The following STPG2 variants were observed in gnomAD, a reference collection of about 807,000 sequenced individuals.
STPG2 encodes the protein sperm-tail PG-rich repeat-containing protein 2.
STPG2 carries 56 observed loss-of-function variants against 54.2 expected under a neutral mutation model. The ratio of observed to expected loss-of-function variants is 1.03; its 90% confidence interval spans 0.83 to 1.29. STPG2 has a LOEUF of 1.29. Ranked by LOEUF, STPG2 falls within the 50% of genes most tolerant of loss-of-function variation. The probability of loss-of-function intolerance (pLI) is 0.00; values close to 1 mark genes in which losing one functional copy is unlikely to be tolerated. For synonymous variants in STPG2, 200 were observed against 181.8 expected, an observed-to-expected ratio of 1.10 and a Z score of -0.81; for missense variants, 596 against 544.9, an observed-to-expected ratio of 1.09 and a Z score of -0.93.
At chr4:98,086,301 A>G (rs955251621) in intron 5 of STPG2, among the ~76,000 whole-genome samples, 1 of 152,162 alleles carries the variant, frequency 6.6e-6, no homozygotes, top group Non-Finnish European at 1.5e-5. Context: ...ACAGCTAGGT[A>G]AAATTAGAGC....
chr4:97,904,854 T>C (rs575590903), intron 8 of STPG2, among the ~76,000 whole-genome samples: 1 of 152,064 alleles, frequency 6.6e-6, no homozygotes, highest in African/African-American at 2.4e-5. Flanking sequence ...AGAAAGGGTA[T>C]CAGCGATGGA....
chr4:97,863,204 A>G (rs1487941643), intron 8 of STPG2, among the ~76,000 whole-genome samples: 1 of 152,174 alleles, frequency 6.6e-6, no homozygotes, highest in Non-Finnish European at 1.5e-5. Flanking sequence ...CGCTAGCAAG[A>G]CTAATAAAGA....
chr4:97,739,113 A>G (rs1353475514), intron 9 of STPG2, among the ~76,000 whole-genome samples: 1 of 152,182 alleles, frequency 6.6e-6, no homozygotes, highest in Admixed American at 6.5e-5. Context: ...CTGAATGACT[A>G]CTGGGTACAT....
chr4:97,482,044 A>G (rs994859057), intron 4 of STPG2, among the ~76,000 whole-genome samples: 1 of 151,556 alleles, frequency 6.6e-6, no homozygotes, highest in African/African-American at 2.4e-5. Flanking sequence ...AATTTTTATC[A>G]TAAGTGTATT....
chr4:97,979,514 AG>A (rs1367057831), intron 6 of STPG2, among the ~76,000 whole-genome samples: 1 of 152,118 alleles, frequency 6.6e-6, no homozygotes, highest in African/African-American at 2.4e-5. Context: ...TTTGGTTCAC[AG>A]CTCTGCTTAT....
intron 4 of STPG2, among the ~76,000 whole-genome samples, chr4:97,459,666 C>T (rs191439802): frequency 2.6e-4 from 39 of 152,206 alleles, no homozygotes; most frequent in African/African-American, 8.9e-4. Context: ...TGGTCTCGAT[C>T]TCCTGACCTC....
At chr4:97,928,018 A>T (rs945340090) in intron 8 of STPG2, among the ~76,000 whole-genome samples, 37 of 152,316 alleles carry the variant, frequency 2.4e-4, no homozygotes, top group African/African-American at 8.4e-4. Context: ...AAACCAAAAC[A>T]TTCAACACAG....
chr4:97,601,904 C>G (rs751998269), intron 10 of STPG2, among the ~76,000 whole-genome samples: 1 of 151,974 alleles, frequency 6.6e-6, no homozygotes, highest in South Asian at 2.1e-4. Flanking sequence ...AATCTTCCTA[C>G]TCATGAACAT....
intron 10 of STPG2, among the ~76,000 whole-genome samples, chr4:97,587,014 A>G (rs1271669150): frequency 6.6e-6 from 1 of 151,980 alleles, no homozygotes; most frequent in East Asian, 1.9e-4. Context: ...ACTCTTATGT[A>G]TGGCAATTAT....
rs559759250 is a variant in STPG2, at chr4:98,012,692, A to T, written c.613-31374T>A. On this transcript the variant is annotated intron_variant, in intron 5 of 10. Coordinates refer to ENST00000295268, the MANE Select transcript of STPG2 (RefSeq NM_174952.3). ...TCCCTTGTTAACTGTATTCCTAGGT[A>T]TTTTATTCTCTTTGTAGCAATTGTG... Among the ~76,000 whole-genome samples the T allele has an allele frequency of 4.2e-3, 642 of 152,098 alleles. 3 individuals carry two copies. The highest frequency in any genetic ancestry group is 0.024 in the South Asian group (118 of 4,822).
At chr4:97,721,615 T>C (rs937281825) in intron 9 of STPG2, among the ~76,000 whole-genome samples, 1 of 152,130 alleles carries the variant, frequency 6.6e-6, no homozygotes, top group Non-Finnish European at 1.5e-5. Context: ...AAGATTTTGG[T>C]ATTTTTAACT....
intron 7 of STPG2, among the ~76,000 whole-genome samples, chr4:97,946,208 T>C (rs900879975): frequency 2.0e-5 from 3 of 152,198 alleles, no homozygotes; most frequent in African/African-American, 7.2e-5. Flanking sequence ...TTAATAAATA[T>C]CTATTCATGT....
intron 10 of STPG2, among the ~76,000 whole-genome samples, chr4:97,581,621 T>C (rs1450444386): frequency 2.0e-5 from 3 of 152,074 alleles, no homozygotes; most frequent in Non-Finnish European, 4.4e-5. Context: ...CATTTATCAT[T>C]TAACTCATCA....
intron 7 of STPG2, among the ~76,000 whole-genome samples, chr4:97,968,037 C>CA (rs1194729524): frequency 3.3e-5 from 5 of 151,602 alleles, no homozygotes; most frequent in South Asian, 2.1e-4. Flanking sequence ...GAGAGAGAAA[C>CA]AAAAAAACCT....
intron 9 of STPG2, among the ~76,000 whole-genome samples, chr4:97,796,526 T>C (rs1727187063): frequency 6.6e-6 from 1 of 152,210 alleles, no homozygotes; most frequent in Non-Finnish European, 1.5e-5. Context: ...TGTGGTATTA[T>C]TTCTGAGGGC....
At chr4:97,519,181 T>G (rs549027954) in intron 4 of STPG2, among the ~76,000 whole-genome samples, 31 of 152,132 alleles carry the variant, frequency 2.0e-4, no homozygotes, top group African/African-American at 7.2e-4. Flanking sequence ...AAGCTGAGCA[T>G]AGAAGAGATA....
At chr4:97,492,376 C>A (rs1439098282) in intron 4 of STPG2, among the ~76,000 whole-genome samples, 2 of 151,440 alleles carry the variant, frequency 1.3e-5, no homozygotes, top group Non-Finnish European at 3.0e-5. Context: ...ATATAAACAT[C>A]AAGGAGAGGG....
chr4:97,532,342 T>C (rs959948022), intron 4 of STPG2, among the ~76,000 whole-genome samples: 1 of 152,184 alleles, frequency 6.6e-6, no homozygotes, highest in African/African-American at 2.4e-5. Flanking sequence ...AAATATGTTA[T>C]TTCATTTGAT....
intron 10 of STPG2, among the ~76,000 whole-genome samples, chr4:97,651,366 A>G (rs1180892800): frequency 6.6e-6 from 1 of 152,140 alleles, no homozygotes; most frequent in Admixed American, 6.6e-5. Flanking sequence ...TCAACAGGTT[A>G]AACTGTTATT....
Sources: allele counts gnomAD v4.1 joint callset (sites outside exome capture counted in the v4.1 genomes callset), GRCh38; gene constraint gnomAD v4.1.1; transcripts MANE v1.5; gene names NCBI Gene and HGNC (gene_info 2026-07-23, HGNC 2026-07-21).